The following CSMD1 variants were observed in gnomAD, a reference collection of about 807,000 sequenced individuals.
The protein encoded by CSMD1 is CUB and Sushi multiple domains 1.
A neutral mutation model predicts 417.5 loss-of-function variants in CSMD1; 213 were observed. The observed-to-expected ratio is 0.51, with a 90% CI of 0.46 to 0.57. The LOEUF (loss-of-function observed/expected upper bound fraction) is 0.57, where lower values mean the gene tolerates loss of function less well. Among genes scored for constraint, CSMD1 ranks in the 20% least tolerant of loss-of-function variants. The pLI is 0.00. For missense variants in CSMD1, 6,923 were observed against 4,529.7 expected (o/e 1.53, Z -15.17); for synonymous variants, 2,862 against 1,736.8 (o/e 1.65, Z -16.11).
intron 12 of CSMD1, among the ~76,000 whole-genome samples, chr8:3,463,222 T>C (rs1816617373): frequency 6.6e-6 from 1 of 152,152 alleles, no homozygotes; most frequent in Non-Finnish European, 1.5e-5. Flanking sequence ...CAACTCCACT[T>C]CCTTCTCTGC....
intron 3 of CSMD1, among the ~76,000 whole-genome samples, chr8:4,314,532 G>A (rs1016596533): frequency 2.0e-5 from 3 of 151,906 alleles, no homozygotes; most frequent in East Asian, 1.9e-4. Flanking sequence ...GATTTCTCCC[G>A]AAATACTAAA....
chr8:4,186,739 C>A (rs960821400), intron 3 of CSMD1, among the ~76,000 whole-genome samples: 1 of 151,602 alleles, frequency 6.6e-6, no homozygotes, highest in Non-Finnish European at 1.5e-5. Flanking sequence ...GTAATCCCAG[C>A]AATTTGGGAA....
chr8:3,286,545 T>G (rs1055727349), intron 25 of CSMD1, among the ~76,000 whole-genome samples: 22 of 152,222 alleles, frequency 1.4e-4, no homozygotes, highest in African/African-American at 4.1e-4. Context: ...GGTATCTCAT[T>G]GTGGTTTTGA....
chr8:4,277,921 T>C (rs967997950), intron 3 of CSMD1, among the ~76,000 whole-genome samples: 5 of 152,068 alleles, frequency 3.3e-5, no homozygotes, highest in African/African-American at 7.2e-5. Context: ...CTAATTTTTT[T>C]GTATTTTTAG....
intron 1 of CSMD1, among the ~76,000 whole-genome samples, chr8:4,987,581 A>C (rs890723873): frequency 2.0e-5 from 3 of 152,228 alleles, no homozygotes; most frequent in African/African-American, 7.2e-5. Flanking sequence ...GTAAAAAATA[A>C]AAAGCACTGG....
intron 3 of CSMD1, among the ~76,000 whole-genome samples, chr8:4,279,485 G>GCAGGAATACTGACTTT (rs1349853432): frequency 6.6e-6 from 1 of 152,142 alleles, no homozygotes; most frequent in East Asian, 1.9e-4. Context: ...TTTTTCATGA[G>GCAGGAATACTGACTTT]CAGGAATACT....
chr8:4,942,012 A>C lies in CSMD1; in HGVS notation c.85+52320T>G, dbSNP rs572642207. ...TTTAAAACCTGAATCAAATCATTACAGTCTTCAAAATTACCCTGGGTAAAT... is the reference window on the plus strand; with the variant it reads ...TTTAAAACCTGAATCAAATCATTACCGTCTTCAAAATTACCCTGGGTAAAT... On this transcript the variant is annotated intron_variant, in intron 1 of 69. Transcript: ENST00000635120. Among the ~76,000 whole-genome samples, 3 of 152,324 alleles carry C rather than the reference A, an allele frequency of 2.0e-5. No homozygotes were observed. The South Asian group carries it at 6.2e-4, about 32-fold the overall frequency.
At chr8:4,124,165 G>A (rs1038319376) in intron 3 of CSMD1, among the ~76,000 whole-genome samples, 3 of 152,122 alleles carry the variant, frequency 2.0e-5, no homozygotes, top group Non-Finnish European at 4.4e-5. Context: ...GTCTGCGGAG[G>A]CGCAGGGGAG....
intron 19 of CSMD1, 56 bp from the exon 20 acceptor site, chr8:3,367,303 CGGG>C: frequency 1.6e-6 from 2 of 1,226,082 alleles, no homozygotes; most frequent in South Asian, 1.3e-5. Flanking sequence ...CACGGGGCGG[CGGG>C]GGCAGAGAGG....
chr8:4,279,432 C>T (rs146086516), intron 3 of CSMD1, among the ~76,000 whole-genome samples: 2 of 152,120 alleles, frequency 1.3e-5, no homozygotes, highest in Non-Finnish European at 2.9e-5. Flanking sequence ...GCAGTATTGT[C>T]CTTGGATAAG....
chr8:4,702,318 C>T (rs1173462800), intron 1 of CSMD1, among the ~76,000 whole-genome samples: 1 of 152,112 alleles, frequency 6.6e-6, no homozygotes, highest in East Asian at 1.9e-4. Flanking sequence ...TGGCCATGGG[C>T]CTCTGACTGG....
intron 7 of CSMD1, among the ~76,000 whole-genome samples, chr8:3,624,339 G>C (rs1362447563): frequency 6.6e-6 from 1 of 152,132 alleles, no homozygotes; most frequent in African/African-American, 2.4e-5. Flanking sequence ...GAGAACAAGA[G>C]CCACAGATTG....
At chr8:2,973,050 A>G in intron 57 of CSMD1, 67 bp downstream of exon 57, 1 of 1,481,816 alleles carries the variant, frequency 6.7e-7, no homozygotes, top group Non-Finnish European at 9.2e-7. Flanking sequence ...GAATTTTGCC[A>G]GGCATTTTAG....
At chr8:4,347,771 TAA>T (rs1352498718) in intron 3 of CSMD1, among the ~76,000 whole-genome samples, 2 of 152,158 alleles carry the variant, frequency 1.3e-5, no homozygotes, top group African/African-American at 2.4e-5. Context: ...TTGTATTGGA[TAA>T]AGTTTTAGTA....
At chr8:3,379,962 C>A (rs533799409) in intron 18 of CSMD1, among the ~76,000 whole-genome samples, 1 of 152,278 alleles carries the variant, frequency 6.6e-6, no homozygotes, top group African/African-American at 2.4e-5. Flanking sequence ...AGGCAACCTA[C>A]AGAATGGGAG....
At chr8:4,956,996 G>T (rs546029774) in intron 1 of CSMD1, among the ~76,000 whole-genome samples, 1 of 152,224 alleles carries the variant, frequency 6.6e-6, no homozygotes, top group Non-Finnish European at 1.5e-5. Flanking sequence ...TGTGTCTGCT[G>T]AAGCAGAATC....
intron 3 of CSMD1, among the ~76,000 whole-genome samples, chr8:4,410,681 G>T (rs1268660908): frequency 1.3e-5 from 2 of 151,924 alleles, no homozygotes; most frequent in South Asian, 4.1e-4. Context: ...AGAGTATACT[G>T]GAAAAAAATT....
intron 3 of CSMD1, among the ~76,000 whole-genome samples, chr8:4,301,658 G>A (rs1007794724): frequency 6.6e-6 from 1 of 152,136 alleles, no homozygotes; most frequent in Non-Finnish European, 1.5e-5. Context: ...TTAACTTTCA[G>A]GCCTCTTCAA....
At chr8:3,070,099 G>C (rs149492372) in intron 49 of CSMD1, among the ~76,000 whole-genome samples, 1 of 152,208 alleles carries the variant, frequency 6.6e-6, no homozygotes, top group Non-Finnish European at 1.5e-5. Flanking sequence ...TCACAGGGCC[G>C]TAGGGCCCTG....
Sources: gnomAD v4.1 joint callset for allele counts (sites outside exome capture counted in the v4.1 genomes callset) on GRCh38, gnomAD v4.1.1 for gene constraint, MANE v1.5 for transcripts, NCBI Gene and HGNC (gene_info 2026-07-23, HGNC 2026-07-21) for gene names.